The following ACTN2 variants were observed in gnomAD, a reference collection of about 807,000 sequenced individuals.
ACTN2 encodes the protein actinin alpha 2.
ACTN2 carries 39 observed loss-of-function variants against 113.8 expected under a neutral mutation model. The ratio of observed to expected loss-of-function variants is 0.34; its 90% CI spans 0.27 to 0.45. The LOEUF (loss-of-function observed/expected upper bound fraction) is 0.45, where lower values mean the gene tolerates loss of function less well. Ranked by LOEUF, ACTN2 falls within the 20% of genes least tolerant of loss-of-function variation. The pLI is 1.00. For missense variants in ACTN2, 992 were observed against 1,177.9 expected (o/e 0.84, Z 2.31); for synonymous variants, 429 against 444.1 (o/e 0.97, Z 0.43).
chr1:236,699,742 A>G (rs1280252722), intron 1 of ACTN2, among the ~76,000 whole-genome samples: 1 of 152,218 alleles, frequency 6.6e-6, no homozygotes, highest in Non-Finnish European at 1.5e-5. Flanking sequence ...ATTTAAAAAA[A>G]TCCTGTTTAT....
At chr1:236,693,688 T>C (rs1657371313) in intron 1 of ACTN2, among the ~76,000 whole-genome samples, 1 of 152,170 alleles carries the variant, frequency 6.6e-6, no homozygotes, top group Non-Finnish European at 1.5e-5. Flanking sequence ...CCTTCAGGCT[T>C]TCCACCTTCC....
chr1:236,761,678 A>G (rs1441464631), intron 20 of ACTN2, among the ~76,000 whole-genome samples: 1 of 152,164 alleles, frequency 6.6e-6, no homozygotes, highest in East Asian at 1.9e-4. Flanking sequence ...GACCTTCAGG[A>G]GGAGTTTAAT....
In ACTN2 at chr1:236,739,474, C is replaced by A; in HGVS notation, c.1049C>A (p.Thr350Asn). The change falls in exon 10 of 21, where the codon ACC (threonine) becomes AAC (asparagine). Residue 350 changes from threonine (T) to asparagine (N), a missense_variant. Around this residue, in one of 3 missense-constraint regions of ACTN2, gnomAD observed 736 missense variants for 815.4 expected, o/e 0.90. Transcript: ENST00000366578. ...QLEINFNTLQ[T>N]KLRISNRPAF... ...GAGATCAACTTCAACACGCTGCAGA[C>A]CAAGCTGCGGATCAGCAACCGTCCT... 2 of 1,614,176 alleles carry A rather than the reference C, an allele frequency of 1.2e-6. No homozygotes were observed. The highest frequency in any genetic ancestry group is 1.7e-6 in the Non-Finnish European group (2 of 1,180,044).
At chr1:236,729,524 A>G (rs939826604) in intron 6 of ACTN2, among the ~76,000 whole-genome samples, 2 of 152,040 alleles carry the variant, frequency 1.3e-5, no homozygotes, top group African/African-American at 4.8e-5. Context: ...TGTGGCATGG[A>G]TGGTCGTAAG....
In ACTN2 at chr1:236,754,006, T is replaced by G. The variant is rs727505112; in HGVS notation, c.1899T>G (p.His633Gln). The G allele has an allele frequency of 1.5e-5, 25 of 1,614,094 alleles. No individual in the cohort carries two copies. The highest frequency in any genetic ancestry group is 1.9e-5 in the Non-Finnish European group (23 of 1,180,054). The change falls in exon 16 of 21, where the codon CAT (histidine) becomes CAG (glutamine). Residue 633 changes from histidine (H) to glutamine (Q), a missense_variant. By Grantham distance (24) the His-to-Gln change is conservative. Coordinates refer to ENST00000366578, the MANE Select transcript of ACTN2 (RefSeq NM_001103.4). The surrounding 1 kb of genome is among the most constrained non-coding windows in gnomAD (Gnocchi z 4.9). Reference sequence around the variant, plus strand: ...TGCAGGAGGAGCTGGCTCGCCAGCATGCTAACGAGCGTCTGAGGCGCCAGT... The same window carrying G: ...TGCAGGAGGAGCTGGCTCGCCAGCAGGCTAACGAGCGTCTGAGGCGCCAGT... ...QSLQEELARQ[H>Q]ANERLRRQFA...
chr1:236,752,788 G>C (rs1167049270), intron 15 of ACTN2, among the ~76,000 whole-genome samples: 1 of 151,822 alleles, frequency 6.6e-6, no homozygotes, highest in African/African-American at 2.4e-5. Context: ...CCTGACGTCA[G>C]GTGATCCACC....
chr1:236,726,166 G>A, intron 5 of ACTN2, 146 bp downstream of exon 5: 1 of 750,272 alleles, frequency 1.3e-6, no homozygotes, highest in Non-Finnish European at 2.3e-6. Flanking sequence ...AATTCTTGAT[G>A]CTTAAAGTCT....
intron 15 of ACTN2, among the ~76,000 whole-genome samples, chr1:236,753,111 A>G (rs1052988290): frequency 5.9e-5 from 9 of 152,216 alleles, no homozygotes; most frequent in African/African-American, 1.9e-4. Flanking sequence ...GTGGGCCAAC[A>G]AGGTATAAGA....
At chr1:236,730,564 T>G (rs1455129827) in intron 6 of ACTN2, among the ~76,000 whole-genome samples, 7 of 152,226 alleles carry the variant, frequency 4.6e-5, no homozygotes, top group African/African-American at 1.7e-4. Flanking sequence ...TAAGAAATGT[T>G]GCATCTTCTT....
At position 236,744,666 on chromosome 1, in the gene ACTN2, G is replaced by A. The variant is rs35956798; in HGVS notation, c.1296G>A (p.Ala432=). The A allele has an allele frequency of 0.017, 26,905 of 1,614,194 alleles. 654 individuals are homozygous for A. The highest frequency in any genetic ancestry group is 0.12 in the African/African-American group (8,832 of 75,048). Residue 432 remains alanine, a synonymous_variant, in exon 12 of 21, where the codon GCG becomes GCA. Transcript: ENST00000366578. ...TGCTGCAGAAGGATTACGAGTCGGC[G>A]TCGCTGACAGAGGTGCGGGCTCTGC... ...QILLQKDYES[A]SLTEVRALLR...
intron 13 of ACTN2, among the ~76,000 whole-genome samples, chr1:236,748,764 A>C (rs1317736194): frequency 6.6e-6 from 1 of 152,230 alleles, no homozygotes; most frequent in African/African-American, 2.4e-5. Context: ...TTTTCTGTTA[A>C]TCTGGCACAG....
At chr1:236,750,228 T>C (rs1481532978) in intron 14 of ACTN2, among the ~76,000 whole-genome samples, 1 of 152,046 alleles carries the variant, frequency 6.6e-6, no homozygotes, top group Non-Finnish European at 1.5e-5. Flanking sequence ...TTCTGTAAAA[T>C]AGATATGTCA....
At chr1:236,737,559 T>C (rs566260929) in intron 9 of ACTN2, among the ~76,000 whole-genome samples, 68 of 151,038 alleles carry the variant, frequency 4.5e-4, no homozygotes, top group African/African-American at 1.6e-3. Context: ...TTTTTTTTTT[T>C]TCCTGTTCAC....
intron 1 of ACTN2, among the ~76,000 whole-genome samples, chr1:236,694,229 T>G (rs1657395668): frequency 1.3e-5 from 2 of 150,946 alleles, no homozygotes; most frequent in South Asian, 4.2e-4. Context: ...TCTTTTTTTT[T>G]TTTTTTTGAG....
At chr1:236,734,331 G>A (rs1342516633) in intron 7 of ACTN2, 6 of 751,770 alleles carry the variant, frequency 8.0e-6, no homozygotes, top group East Asian at 2.8e-5. Context: ...GTATGGGGGC[G>A]AAGGGGGAGG....
intron 1 of ACTN2, among the ~76,000 whole-genome samples, chr1:236,692,648 G>A (rs1264715719): frequency 2.0e-5 from 3 of 152,278 alleles, no homozygotes; most frequent in East Asian, 1.9e-4. Context: ...GGTTTGCTAC[G>A]GAGAATCACA....
At chr1:236,715,502 T>A (rs1658170017) in intron 1 of ACTN2, among the ~76,000 whole-genome samples, 1 of 152,118 alleles carries the variant, frequency 6.6e-6, no homozygotes, top group African/African-American at 2.4e-5. Flanking sequence ...TGTTGTATAT[T>A]TGCACCATCC....
At chr1:236,704,047 A>G (rs1024688779) in intron 1 of ACTN2, among the ~76,000 whole-genome samples, 3 of 152,212 alleles carry the variant, frequency 2.0e-5, no homozygotes, top group African/African-American at 4.8e-5. Flanking sequence ...TGATCAGGAT[A>G]AGAGGGAACA....
rs191631773 is a variant in ACTN2, at chr1:236,755,192, G to C, written c.2148G>C (p.Thr716=). 3 of 1,614,036 alleles carry C rather than the reference G, an allele frequency of 1.9e-6. No homozygotes were observed. Among genetic ancestry groups the C allele is most frequent in the Non-Finnish European group, 2.5e-6 (3 of 1,180,050 alleles). ...TTGACAACAAGCACACGAACTACAC[G>C]ATGGAGGTACGGCAGCCAGACAGGC... ...LVFDNKHTNY[T]MEHIRVGWEL... The change falls in exon 17 of 21, where the codon ACG becomes ACC. Residue 716 remains threonine, a synonymous_variant. Coordinates refer to ENST00000366578, the MANE Select transcript of ACTN2 (RefSeq NM_001103.4).
Sources: allele counts gnomAD v4.1 joint callset (sites outside exome capture counted in the v4.1 genomes callset), GRCh38; gene constraint gnomAD v4.1.1; regional missense constraint gnomAD v4.1.1; non-coding constraint Gnocchi (gnomAD v3.1); transcripts MANE v1.5; gene names NCBI Gene and HGNC (gene_info 2026-07-23, HGNC 2026-07-21).